Variants in NDST3 observed in about 807,000 individuals in gnomAD.
NDST3 encodes the protein N-deacetylase and N-sulfotransferase 3.
Under a neutral mutation model 96.1 loss-of-function variants are expected in NDST3, and 58 were observed. The ratio of observed to expected loss-of-function variants is 0.60; its 90% CI spans 0.49 to 0.75. The LOEUF is 0.75. Ranked by LOEUF, NDST3 falls within the 30% of genes least tolerant of loss-of-function variation. The pLI, the probability that NDST3 is intolerant of heterozygous loss-of-function variation, is 0.00. For synonymous variants in NDST3, 333 were observed against 359.7 expected, an observed-to-expected ratio of 0.93 and a Z score of 0.84; for missense variants, 788 against 1,034.2, an observed-to-expected ratio of 0.76 and a Z score of 3.27.
At chr4:118,177,467 G>A (rs1260385509) in intron 6 of NDST3, among the ~76,000 whole-genome samples, 1 of 151,860 alleles carries the variant, frequency 6.6e-6, no homozygotes, top group Non-Finnish European at 1.5e-5. Flanking sequence ...TTTTCATTTG[G>A]ATAATATTTA....
At chr4:118,172,898 C>T (rs1220504124) in intron 6 of NDST3, among the ~76,000 whole-genome samples, 1 of 152,060 alleles carries the variant, frequency 6.6e-6, no homozygotes, top group Non-Finnish European at 1.5e-5. Flanking sequence ...AACATTAACT[C>T]TTTCTAAAAG....
intron 6 of NDST3, among the ~76,000 whole-genome samples, chr4:118,160,854 CCTT>C (rs1735061406): frequency 6.6e-6 from 1 of 152,000 alleles, no homozygotes; most frequent in South Asian, 2.1e-4. Flanking sequence ...TCGTCTGAAG[CCTT>C]CTTCTCTCAA....
In NDST3 at chr4:118,205,585, T is replaced by G. The variant is rs74812588; in HGVS notation, c.1540-18906T>G. ...TTTCATAGGTGTTTATTTCTTCAAC[T>G]TTAGAGACAGAGTTCAAGATATTAG... On this transcript the variant is annotated intron_variant, in intron 6 of 13. Transcript: ENST00000296499. Among the ~76,000 whole-genome samples, 332 of 144,648 alleles carry G rather than the reference T, an allele frequency of 2.3e-3. 40 individuals are homozygous for G. The highest frequency in any genetic ancestry group is 8.2e-3 in the African/African-American group (323 of 39,216). 94.9% of individuals were successfully genotyped at this position (144,648 alleles called of 152,430 possible).
rs143638871 is a variant in NDST3 at position 118,236,925 on chromosome 4, C to A, written c.1944-121C>A. On this transcript the variant is annotated intron_variant, in intron 9 of 13. Coordinates refer to ENST00000296499, the MANE Select transcript of NDST3 (RefSeq NM_004784.3). ...TCTTCCTAACTATGGAGGACAAATG[C>A]TGTAAAGAAAAAGCCTTTTATTTAG... is the stretch of plus-strand genomic sequence containing the variant. 7 of 647,024 alleles carry A rather than the reference C, an allele frequency of 1.1e-5. No individual in the cohort carries two copies. In the East Asian group the frequency reaches 1.9e-4, roughly 17 times the overall value. 40.1% of individuals were successfully genotyped at this position (647,024 alleles called of 1,614,324 possible).
At chr4:118,224,341 T>A in intron 6 of NDST3, 150 bp from the exon 7 acceptor site, 1 of 559,812 alleles carries the variant, frequency 1.8e-6, no homozygotes, top group Non-Finnish European at 3.0e-6. Context: ...TAATGAGGGT[T>A]TGAGGGACAT....
chr4:118,143,900 G>A (rs748649690), intron 6 of NDST3, among the ~76,000 whole-genome samples: 24 of 152,158 alleles, frequency 1.6e-4, no homozygotes, highest in Non-Finnish European at 2.4e-4. Flanking sequence ...CAGAACCAGG[G>A]AAGTGCTCCA....
chr4:118,257,783 A>C lies in NDST3; in HGVS notation c.*2071A>C, dbSNP rs1742205175. On this transcript the variant is annotated 3_prime_UTR_variant, in exon 14 of 14. Coordinates refer to ENST00000296499, the MANE Select transcript of NDST3 (RefSeq NM_004784.3). ...TTTAAGACTCTTGACTCTAAAAGCA[A>C]AATCAAAGTGATTTGGACAAATATG... 1 of 152,344 alleles carries C rather than the reference A, an allele frequency of 6.6e-6. No homozygotes were observed. Among genetic ancestry groups the C allele is most frequent in the South Asian group, 2.1e-4 (1 of 4,826 alleles). The allele number at this position is 152,344 out of a possible 1,614,324, so 9.4% of individuals were successfully genotyped here.
chr4:118,251,510 T>C (rs972845535), intron 12 of NDST3, among the ~76,000 whole-genome samples: 1 of 152,208 alleles, frequency 6.6e-6, no homozygotes, highest in Non-Finnish European at 1.5e-5. Flanking sequence ...AGCTTTTTCA[T>C]ATAGATATCC....
intron 2 of NDST3, among the ~76,000 whole-genome samples, chr4:118,071,498 T>G (rs1288538080): frequency 6.6e-6 from 1 of 152,142 alleles, no homozygotes; most frequent in South Asian, 2.1e-4. Flanking sequence ...CACTAATAAG[T>G]GAGAACATGC....
chr4:118,222,547 C>A (rs1282752098), intron 6 of NDST3, among the ~76,000 whole-genome samples: 2 of 151,960 alleles, frequency 1.3e-5, no homozygotes, highest in Non-Finnish European at 1.5e-5. Flanking sequence ...AAACATTAAA[C>A]CGTCCTTTAG....
intron 10 of NDST3, among the ~76,000 whole-genome samples, chr4:118,239,401 G>C (rs1037934207): frequency 6.6e-6 from 1 of 152,112 alleles, no homozygotes; most frequent in Non-Finnish European, 1.5e-5. Context: ...AGACATCCTG[G>C]AAAGCTAAGA....
chr4:118,220,706 C>T (rs1342042946), intron 6 of NDST3, among the ~76,000 whole-genome samples: 1 of 152,016 alleles, frequency 6.6e-6, no homozygotes, highest in African/African-American at 2.4e-5. Flanking sequence ...ATCTTCTGAA[C>T]ATCACCACAC....
rs566159563 is a variant in NDST3, at chr4:118,111,568, G to A, written c.1070-3238G>A. On this transcript the variant is annotated intron_variant, in intron 3 of 13. Transcript: ENST00000296499. ...TTTTTTTTTTTTGAGATGGAGTCTC[G>A]CTCTGTCACCCAGGCTGGAGTGTAG... 7.8e-5 allele frequency among the ~76,000 whole-genome samples: 11 copies of A among 140,536 alleles called. No homozygotes were observed. In the South Asian group the frequency reaches 8.8e-4, roughly 11 times the overall value. 92.2% of individuals were successfully genotyped at this position (140,536 alleles called of 152,430 possible).
chr4:118,252,844 T>C (rs1310773213), intron 12 of NDST3, among the ~76,000 whole-genome samples: 1 of 151,962 alleles, frequency 6.6e-6, no homozygotes, highest in Non-Finnish European at 1.5e-5. Flanking sequence ...CGAGCCGAGA[T>C]TGCGCCATTG....
At chr4:118,116,566 A>T (rs1731136795) in intron 4 of NDST3, among the ~76,000 whole-genome samples, 2 of 152,192 alleles carry the variant, frequency 1.3e-5, no homozygotes, top group African/African-American at 4.8e-5. Context: ...ATATCCTAAG[A>T]ATATACTTAG....
chr4:118,060,723 C>A (rs1725825864), intron 2 of NDST3, among the ~76,000 whole-genome samples: 1 of 151,630 alleles, frequency 6.6e-6, no homozygotes, highest in Admixed American at 6.6e-5. Context: ...TGTATTTTAT[C>A]TCTTTTTTTT....
intron 6 of NDST3, among the ~76,000 whole-genome samples, chr4:118,173,683 T>C (rs148326587): frequency 6.6e-6 from 1 of 152,296 alleles, no homozygotes; most frequent in African/African-American, 2.4e-5. Flanking sequence ...TTCAGTACTT[T>C]ATTTTCCATA....
intron 3 of NDST3, among the ~76,000 whole-genome samples, chr4:118,105,841 G>A (rs776674831): frequency 8.5e-5 from 13 of 152,232 alleles, no homozygotes; most frequent in Non-Finnish European, 1.8e-4. Flanking sequence ...ACTAGGAATG[G>A]AATTGCTAGT....
chr4:118,207,551 G>A (rs1295375050), intron 6 of NDST3, among the ~76,000 whole-genome samples: 1 of 145,022 alleles, frequency 6.9e-6, no homozygotes, highest in Admixed American at 6.8e-5. Flanking sequence ...TGATGACACA[G>A]TAAAAACAAA....
Sources: allele counts gnomAD v4.1 joint callset (sites outside exome capture counted in the v4.1 genomes callset), GRCh38; gene constraint gnomAD v4.1.1; transcripts MANE v1.5; gene names NCBI Gene and HGNC (gene_info 2026-07-23, HGNC 2026-07-21).